INTS8: variants seen among roughly 807,000 people sequenced by gnomAD.
INTS8 encodes the protein integrator complex subunit 8, also known as protein kaonashi-1.
In INTS8, 47 loss-of-function variants were observed where a neutral mutation model predicts 138.9. That is an observed-to-expected ratio of 0.34 (90% confidence interval 0.27 to 0.43). The LOEUF (loss-of-function observed/expected upper bound fraction) is 0.43, where lower values mean the gene tolerates loss of function less well. Ranked by LOEUF, INTS8 falls within the 20% of genes least tolerant of loss-of-function variation. The pLI is 1.00. For synonymous variants in INTS8, 392 were observed against 400.9 expected (o/e 0.98, Z 0.27); for missense variants, 996 against 1,173.0 (o/e 0.85, Z 2.20).
chr8:94,824,760 T>C (rs1189890810), intron 1 of INTS8, 133 bp from the exon 2 acceptor site: 3 of 424,168 alleles, frequency 7.1e-6, no homozygotes, highest in Non-Finnish European at 1.3e-5. Context: ...TGGATTCCTT[T>C]TGTGGCAAAA....
intron 10 of INTS8, among the ~76,000 whole-genome samples, chr8:94,844,752 CTTTTT>C (rs966738887): frequency 7.3e-6 from 1 of 136,496 alleles, no homozygotes. Flanking sequence ...TTTAGTTTTT[CTTTTT>C]TTTTTTTTTT....
At chr8:94,870,548 T>G (rs1816359701) in intron 20 of INTS8, among the ~76,000 whole-genome samples, 1 of 152,210 alleles carries the variant, frequency 6.6e-6, no homozygotes, top group Non-Finnish European at 1.5e-5. Context: ...GGCACTGGAT[T>G]GAAGATTACG....
At chr8:94,828,848 A>G (rs1024423064) in intron 4 of INTS8, 127 bp from the exon 5 acceptor site, 1 of 659,226 alleles carries the variant, frequency 1.5e-6, no homozygotes, top group African/African-American at 1.9e-5. Flanking sequence ...TTCAAACATG[A>G]AAATGAATAA....
At chr8:94,857,191 G>A (rs912755409) in intron 15 of INTS8, among the ~76,000 whole-genome samples, 1 of 150,456 alleles carries the variant, frequency 6.6e-6, no homozygotes, top group Non-Finnish European at 1.5e-5. Flanking sequence ...TCCTGCCTCA[G>A]CCTCCTCAGT....
At chr8:94,852,429 G>C (rs2131034389) in intron 13 of INTS8, among the ~76,000 whole-genome samples, 1 of 152,178 alleles carries the variant, frequency 6.6e-6, no homozygotes, top group Admixed American at 6.5e-5. Context: ...AATAAAAATA[G>C]CTTTTAAAAC....
rs762576838 is a variant in INTS8, at chr8:94,823,560, G to C, written c.129G>C (p.Pro43=). Residue 43 remains proline (P), a splice_region_variant and synonymous_variant, in exon 1 of 27, where the codon CCG becomes CCC. Coordinates refer to ENST00000523731, the MANE Select transcript of INTS8 (RefSeq NM_017864.4). ...LLEKHLRKPC[P]DPAPVQLIVQ... The stretch of plus-strand genomic sequence containing the variant: ...AGAAACATCTGCGCAAGCCCTGCCC[G>C]GGTGAGCGCGGCGCCTGCACCTGGG... The C allele has an allele frequency of 1.2e-5, 19 of 1,567,510 alleles. No homozygotes were observed. The highest frequency in any genetic ancestry group is 1.6e-5 in the Non-Finnish European group (19 of 1,158,320).
At chr8:94,868,999 T>C (rs1302410190) in intron 20 of INTS8, among the ~76,000 whole-genome samples, 1 of 149,518 alleles carries the variant, frequency 6.7e-6, no homozygotes, top group Non-Finnish European at 1.5e-5. Flanking sequence ...TTTTTTTTTT[T>C]GAGGCAGAGT....
At chr8:94,865,328 G>A (rs1356056056) in intron 16 of INTS8, among the ~76,000 whole-genome samples, 178 bp from the exon 17 acceptor site, 1 of 152,068 alleles carries the variant, frequency 6.6e-6, no homozygotes, top group Non-Finnish European at 1.5e-5. Context: ...ATTCAGATCT[G>A]TCAGTACGCA....
chr8:94,825,441 AT>A (rs202191433), intron 2 of INTS8, among the ~76,000 whole-genome samples: 3,768 of 148,038 alleles, frequency 0.025, 141 homozygotes, highest in African/African-American at 0.086. Context: ...AAAAAAAAAA[AT>A]AATAAAATAA....
At chr8:94,853,311 C>G (rs1815620551) in intron 13 of INTS8, among the ~76,000 whole-genome samples, 1 of 152,024 alleles carries the variant, frequency 6.6e-6, no homozygotes, top group Non-Finnish European at 1.5e-5. Context: ...GACTCTATCT[C>G]AAAAATCAAG....
rs1816216834 is a variant in INTS8 at position 94,867,323 on chromosome 8, A to G, written c.2400A>G (p.Pro800=). 2 of 1,611,226 alleles carry G rather than the reference A, an allele frequency of 1.2e-6. No homozygotes were observed. Among genetic ancestry groups the G allele is most frequent in the Non-Finnish European group, 1.7e-6 (2 of 1,178,166 alleles). ...DITAEHISIW[P]SSIPNLQSVD... ...CAGCTGAACACATTTCTATTTGGCC[A>G]TCTTCCATTCCCAAGTAAGTAGTGG... Residue 800 remains proline, a synonymous_variant, in exon 20 of 27, where the codon CCA becomes CCG. Transcript: ENST00000523731.
intron 10 of INTS8, among the ~76,000 whole-genome samples, chr8:94,848,729 T>TA: frequency 6.6e-6 from 1 of 152,316 alleles, no homozygotes; most frequent in East Asian, 1.9e-4. Flanking sequence ...GACTGCAGGT[T>TA]ACTTATACTT....
chr8:94,864,166 A>G (rs2131057007), intron 16 of INTS8, among the ~76,000 whole-genome samples: 1 of 152,118 alleles, frequency 6.6e-6, no homozygotes, highest in South Asian at 2.1e-4. Context: ...GTATTTATTG[A>G]ACTTTTTTTT....
chr8:94,860,595 A>C (rs796482428), intron 16 of INTS8, among the ~76,000 whole-genome samples: 239 of 150,868 alleles, frequency 1.6e-3, no homozygotes, highest in African/African-American at 5.2e-3. Flanking sequence ...AAAAAAAAAA[A>C]AAAAAAAAAC....
intron 16 of INTS8, among the ~76,000 whole-genome samples, chr8:94,861,215 T>C (rs1000590760): frequency 2.0e-5 from 3 of 151,522 alleles, no homozygotes. Flanking sequence ...TCAGGATTTA[T>C]TGAGTTTATT....
At chr8:94,830,689 G>A (rs1044973850) in intron 5 of INTS8, among the ~76,000 whole-genome samples, 1 of 152,136 alleles carries the variant, frequency 6.6e-6, no homozygotes, top group African/African-American at 2.4e-5. Context: ...GTAGAGATGG[G>A]ATTTTGCCAT....
In INTS8 at chr8:94,881,518, G is replaced by A; in HGVS notation, c.*1284G>A. Reference sequence around the variant, plus strand: ...AAATCAGAATGGCAGTGTAACTTGTGAATTGGCTAGGGCAATCAATCACAG... The same window carrying A: ...AAATCAGAATGGCAGTGTAACTTGTAAATTGGCTAGGGCAATCAATCACAG... On this transcript the variant is annotated 3_prime_UTR_variant, in exon 27 of 27. Transcript: ENST00000523731. The A allele has an allele frequency of 1.0e-6, 1 of 968,242 alleles. No homozygotes were observed. The highest frequency in any genetic ancestry group is 1.5e-6 in the Non-Finnish European group (1 of 659,366). The allele number at this position is 968,242 out of a possible 1,614,324, so 60.0% of individuals were successfully genotyped here.
chr8:94,855,955 G>C (rs1815731288), intron 14 of INTS8, among the ~76,000 whole-genome samples: 1 of 152,198 alleles, frequency 6.6e-6, no homozygotes, highest in Non-Finnish European at 1.5e-5. Context: ...CTAAAGCTTG[G>C]AGAATGGTCT....
chr8:94,862,491 G>A (rs929819287), intron 16 of INTS8, among the ~76,000 whole-genome samples: 12 of 152,204 alleles, frequency 7.9e-5, no homozygotes, highest in Admixed American at 2.6e-4. Flanking sequence ...GGAGAGATAG[G>A]CATGTGTTTG....
Sources: gnomAD v4.1 joint callset for allele counts (sites outside exome capture counted in the v4.1 genomes callset) on GRCh38, gnomAD v4.1.1 for gene constraint, MANE v1.5 for transcripts, NCBI Gene and HGNC (gene_info 2026-07-23, HGNC 2026-07-21) for gene names.